TAGLN: variants seen among roughly 807,000 people sequenced by gnomAD.
TAGLN encodes 22 kDa actin-binding protein.
A neutral mutation model predicts 21.9 loss-of-function variants in TAGLN; 16 were observed. That is an observed-to-expected ratio of 0.73 (90% CI 0.49 to 1.11). The LOEUF is 1.11. Among genes scored for constraint, TAGLN ranks in the 50% least tolerant of loss-of-function variants. The pLI is 0.00. For missense variants in TAGLN, 248 were observed against 263.2 expected (o/e 0.94, Z 0.40); for synonymous variants, 96 against 94.9 (o/e 1.01, Z -0.06).
chr11:117,205,076 T>C lies in TAGLN; in HGVS notation c.*717T>C, dbSNP rs771827586. The stretch of plus-strand genomic sequence containing the variant: ...GAGAGATTGCGAGTGGCAGAATTGT[T>C]TGGAAGGTTTTTATTTTGGAAAAGC... On this transcript the variant is annotated 3_prime_UTR_variant, in exon 5 of 5. Transcript: ENST00000392951. 16 of 221,724 alleles carry C rather than the reference T, an allele frequency of 7.2e-5. No individual in the cohort carries two copies. Among genetic ancestry groups the C allele is most frequent in the Non-Finnish European group, 1.4e-4 (15 of 110,584 alleles). The allele number at this position is 221,724 out of a possible 1,614,324, so 13.7% of individuals were successfully genotyped here. A position where few individuals can be genotyped will look rare whatever the true frequency, so the allele number is the denominator to read the frequency against.
In TAGLN at chr11:117,204,535, C is replaced by T; in HGVS notation, c.*176C>T. ...CAGCTCCTCCCTGTGCCCCCAGCCTCAGCCCAACTTCTTACCCGAAAGCAT... is the reference window on the plus strand; with the variant it reads ...CAGCTCCTCCCTGTGCCCCCAGCCTTAGCCCAACTTCTTACCCGAAAGCAT... On this transcript the variant is annotated 3_prime_UTR_variant, in exon 5 of 5. Coordinates refer to ENST00000392951, the MANE Select transcript of TAGLN (RefSeq NM_003186.5). 1.0e-6 allele frequency: 1 copy of T among 968,088 alleles called. No individual in the cohort carries two copies. The highest frequency in any genetic ancestry group is 2.6e-5 in the East Asian group (1 of 38,070). The allele number at this position is 968,088 out of a possible 1,614,324, so 60.0% of individuals were successfully genotyped here. A position where few individuals can be genotyped will look rare whatever the true frequency, so the allele number is the denominator to read the frequency against.
rs900656229 is a variant in TAGLN at position 117,199,378 on chromosome 11, T to G, written c.-67T>G. The G allele has an allele frequency of 5.9e-5, 9 of 152,434 alleles. No individual in the cohort carries two copies. The highest frequency in any genetic ancestry group is 1.9e-4 in the African/African-American group (8 of 41,580). The allele number at this position is 152,434 out of a possible 1,614,324, so 9.4% of individuals were successfully genotyped here. ...CACCCAGCCAGCGCCCCATCCTGTC[T>G]GTCCGAACCCAGACACAAGTCTTCA... On this transcript the variant is annotated 5_prime_UTR_variant, in exon 1 of 5. Transcript: ENST00000392951.
At chr11:117,202,793 T>G in intron 1 of TAGLN, 1 of 430,360 alleles carries the variant, frequency 2.3e-6, no homozygotes, top group Non-Finnish European at 4.1e-6. Context: ...GCTCTAGACC[T>G]CCAAAGACCT....
In TAGLN at chr11:117,205,987, G is replaced by C. The variant is rs1351386472; in HGVS notation, c.*1628G>C. On this transcript the variant is annotated 3_prime_UTR_variant, in exon 5 of 5. Coordinates refer to ENST00000392951, the MANE Select transcript of TAGLN (RefSeq NM_003186.5). ...AAGAAGAGCCTGTCCCACACTGTCA[G>C]GCCCTGAGGTCAGCAGATCTGCTCC... 9.6e-7 allele frequency: 1 copy of C among 1,043,450 alleles called. No individual in the cohort carries two copies. Among genetic ancestry groups the C allele is most frequent in the African/African-American group, 1.7e-5 (1 of 59,238 alleles). 64.6% of individuals were successfully genotyped at this position (1,043,450 alleles called of 1,614,324 possible). A position where few individuals can be genotyped will look rare whatever the true frequency, so the allele number is the denominator to read the frequency against.
intron 4 of TAGLN, 146 bp from the exon 5 acceptor site, chr11:117,204,069 C>A: frequency 3.1e-6 from 4 of 1,286,934 alleles, no homozygotes; most frequent in Non-Finnish European, 4.3e-6. Context: ...CGCTCAGTCT[C>A]CCTAGCCTAT....
At position 117,202,978 on chromosome 11, in the gene TAGLN, C is replaced by T. The variant is rs372006193; in HGVS notation, c.-12-24C>T. ...CTGCTCCCTGACCCTCTGCCCCTCCCTCCTCCACCCTGGCCTGCTTTAGCT... is the reference window on the plus strand; with the variant it reads ...CTGCTCCCTGACCCTCTGCCCCTCCTTCCTCCACCCTGGCCTGCTTTAGCT... On this transcript the variant is annotated intron_variant, in intron 1 of 4. Coordinates refer to ENST00000392951, the MANE Select transcript of TAGLN (RefSeq NM_003186.5). 2.9e-5 allele frequency: 44 copies of T among 1,525,824 alleles called. No individual in the cohort carries two copies. The African/African-American group carries it at 5.8e-4, about 20-fold the overall frequency. The allele number at this position is 1,525,824 out of a possible 1,614,324, so 94.5% of individuals were successfully genotyped here. A position where few individuals can be genotyped will look rare whatever the true frequency, so the allele number is the denominator to read the frequency against.
At position 117,206,188 on chromosome 11, in the gene TAGLN, C is replaced by T. The variant is rs1318099618; in HGVS notation, c.*1829C>T. ...GGATCCTTGCTGCTGCAAAGTGGCACTGATTCTAGCTCTGTCCCTTCCTCC... is the reference window on the plus strand; with the variant it reads ...GGATCCTTGCTGCTGCAAAGTGGCATTGATTCTAGCTCTGTCCCTTCCTCC... On this transcript the variant is annotated 3_prime_UTR_variant, in exon 5 of 5. Transcript: ENST00000392951. 6.2e-7 allele frequency: 1 copy of T among 1,614,100 alleles called. No homozygotes were observed. Among genetic ancestry groups the T allele is most frequent in the South Asian group, 1.1e-5 (1 of 91,078 alleles).
At chr11:117,199,369 C>T (rs944925905), upstream of TAGLN, 2 of 152,378 alleles carry the variant, frequency 1.3e-5, no homozygotes, top group Non-Finnish European at 2.9e-5. Context: ...GCCAGCGCCC[C>T]ATCCTGTCTG....
At chr11:117,200,596 G>A (rs2031051937) in intron 1 of TAGLN, among the ~76,000 whole-genome samples, 1 of 152,172 alleles carries the variant, frequency 6.6e-6, no homozygotes, top group African/African-American at 2.4e-5. Context: ...AGGATTTCTG[G>A]GGATTCTCCA....
Position 117,203,201 on chromosome 11 carries a change from G to C in TAGLN, c.180+8G>C. ...TGGCTGAAGAATGGCGTGGTGAGTG[G>C]CACCCTGGGCTAGGGCGCTGGGGGG... On this transcript the variant is annotated splice_region_variant and intron_variant, in intron 2 of 4. Transcript: ENST00000392951. This position sits in a 1 kb window ranked among gnomAD's most constrained non-coding sequence, Gnocchi z 4.4. 3.1e-6 allele frequency: 5 copies of C among 1,589,692 alleles called. No homozygotes were observed. Among genetic ancestry groups the C allele is most frequent in the Non-Finnish European group, 4.3e-6 (5 of 1,165,142 alleles).
At chr11:117,199,946 A>ATTCC in intron 1 of TAGLN, 1 of 152,166 alleles carries the variant, frequency 6.6e-6, no homozygotes, top group East Asian at 1.9e-4. Context: ...GAACTCTTGT[A>ATTCC]TTCCAGTCAG....
chr11:117,205,855 G>T lies in TAGLN; in HGVS notation c.*1496G>T. ...CTCTGGCAGCAATCCTCCACCATTT[G>T]TATCTTAAGAAGGCCCTCACCCTCT... On this transcript the variant is annotated 3_prime_UTR_variant, in exon 5 of 5. Coordinates refer to ENST00000392951, the MANE Select transcript of TAGLN (RefSeq NM_003186.5). 1.5e-6 allele frequency: 1 copy of T among 653,284 alleles called. No homozygotes were observed. Among genetic ancestry groups the T allele is most frequent in the South Asian group, 3.6e-5 (1 of 27,620 alleles). 40.5% of individuals were successfully genotyped at this position (653,284 alleles called of 1,614,324 possible).
chr11:117,204,062 T>G (rs760369893), intron 4 of TAGLN, 153 bp from the exon 5 acceptor site: 15 of 1,222,186 alleles, frequency 1.2e-5, no homozygotes, highest in Non-Finnish European at 1.6e-5. Context: ...CCTCCTGCGC[T>G]CAGTCTCCCT....
In TAGLN at chr11:117,204,457, G is replaced by C; in HGVS notation, c.*98G>C. On this transcript the variant is annotated 3_prime_UTR_variant, in exon 5 of 5. Coordinates refer to ENST00000392951, the MANE Select transcript of TAGLN (RefSeq NM_003186.5). Reference sequence around the variant, plus strand: ...CACCCACACCCGTGTGGTACCTTCAGCCCTGGCCAAGCTTTGAGGCTCTGT... The same window carrying C: ...CACCCACACCCGTGTGGTACCTTCACCCCTGGCCAAGCTTTGAGGCTCTGT... 1 of 1,573,044 alleles carries C rather than the reference G, an allele frequency of 6.4e-7. No individual in the cohort carries two copies. Among genetic ancestry groups the C allele is most frequent in the South Asian group, 1.1e-5 (1 of 87,966 alleles).
At chr11:117,202,820 GTGT>G in intron 1 of TAGLN, 179 bp from the exon 2 acceptor site, 1 of 473,246 alleles carries the variant, frequency 2.1e-6, no homozygotes, top group South Asian at 5.1e-5. Flanking sequence ...CTCTTTCCTG[GTGT>G]TCAAGTTCAG....
chr11:117,201,005 C>T (rs1214652582), intron 1 of TAGLN, among the ~76,000 whole-genome samples: 7 of 152,046 alleles, frequency 4.6e-5, no homozygotes, highest in Non-Finnish European at 8.8e-5. Flanking sequence ...TGCAGGGCTA[C>T]CAAAATCACC....
At position 117,203,643 on chromosome 11, in the gene TAGLN, C is replaced by T; in HGVS notation, c.359-139C>T. 8.1e-7 allele frequency: 1 copy of T among 1,241,120 alleles called. No individual in the cohort carries two copies. The highest frequency in any genetic ancestry group is 1.1e-6 in the Non-Finnish European group (1 of 884,802). 76.9% of individuals were successfully genotyped at this position (1,241,120 alleles called of 1,614,324 possible). The stretch of plus-strand genomic sequence containing the variant: ...TAACACGCCACGCTCACAGGGCCCA[C>T]TGAGAGGCCTCCCTTGAATTGGGGA... On this transcript the variant is annotated intron_variant, in intron 3 of 4. Coordinates refer to ENST00000392951, the MANE Select transcript of TAGLN (RefSeq NM_003186.5). This position sits in a 1 kb window ranked among gnomAD's most constrained non-coding sequence, Gnocchi z 4.4.
At chr11:117,200,008 A>ACTGT (rs1484331431) in intron 1 of TAGLN, among the ~76,000 whole-genome samples, 1 of 149,312 alleles carries the variant, frequency 6.7e-6, no homozygotes, top group African/African-American at 2.4e-5. Context: ...AGCCCCTTCC[A>ACTGT]CTGTCTGACA....
At position 117,206,396 on chromosome 11, in the gene TAGLN, C is replaced by T. The variant is rs550812511; in HGVS notation, c.*2037C>T. Reference sequence around the variant, plus strand: ...AGCACCTACGTGAGGCACTGTTTCCCGAAGCCTACAGCCTTTCTCAGCCCA... The same window carrying T: ...AGCACCTACGTGAGGCACTGTTTCCTGAAGCCTACAGCCTTTCTCAGCCCA... On this transcript the variant is annotated 3_prime_UTR_variant, in exon 5 of 5. Coordinates refer to ENST00000392951, the MANE Select transcript of TAGLN (RefSeq NM_003186.5). 2.7e-5 allele frequency: 42 copies of T among 1,577,438 alleles called. No individual in the cohort carries two copies. The highest frequency in any genetic ancestry group is 8.8e-5 in the Admixed American group (5 of 56,908).
Sources: gnomAD v4.1 joint callset for allele counts (sites outside exome capture counted in the v4.1 genomes callset) on GRCh38, gnomAD v4.1.1 for gene constraint, Gnocchi (gnomAD v3.1) non-coding constraint, MANE v1.5 for transcripts, NCBI Gene and HGNC (gene_info 2026-07-23, HGNC 2026-07-21) for gene names.